TTC3: variants seen among roughly 807,000 people sequenced by gnomAD.
The protein encoded by TTC3 is tetratricopeptide repeat domain 3.
In TTC3, 180 loss-of-function variants were observed where a neutral mutation model predicts 249.6. That is an observed-to-expected ratio of 0.72 (90% CI 0.64 to 0.82). The LOEUF (loss-of-function observed/expected upper bound fraction) is 0.82, where lower values mean the gene tolerates loss of function less well. Among genes scored for constraint, TTC3 ranks in the 40% least tolerant of loss-of-function variants. TTC3 has a pLI of 0.00. For synonymous variants in TTC3, 717 were observed against 805.0 expected (o/e 0.89, Z 1.85); for missense variants, 2,061 against 2,398.4 (o/e 0.86, Z 2.94).
At chr21:37,148,796 T>C in intron 23 of TTC3, 149 bp downstream of exon 23, 1 of 590,454 alleles carries the variant, frequency 1.7e-6, no homozygotes, top group Non-Finnish European at 2.9e-6. Context: ...AATTTGTTTT[T>C]ATTTGGACAA....
chr21:37,195,332 A>G (rs2084763935), intron 41 of TTC3, among the ~76,000 whole-genome samples: 1 of 152,058 alleles, frequency 6.6e-6, no homozygotes, highest in Admixed American at 6.6e-5. Flanking sequence ...ATGATGTTCC[A>G]TCTGTCAGCT....
At chr21:37,148,747 A>C (rs927898214) in intron 23 of TTC3, 100 bp downstream of exon 23, 38 of 708,182 alleles carry the variant, frequency 5.4e-5, no homozygotes, top group Middle Eastern at 5.1e-4. Flanking sequence ...ATAATTAGAA[A>C]ATTTTAAATT....
At chr21:37,130,847 C>T (rs1410242225) in intron 16 of TTC3, among the ~76,000 whole-genome samples, 2 of 152,006 alleles carry the variant, frequency 1.3e-5, no homozygotes, top group Admixed American at 1.3e-4. Context: ...CATCCTTGCA[C>T]ATACACCTTT....
chr21:37,104,688 G>T (rs2147778223), intron 10 of TTC3, among the ~76,000 whole-genome samples: 1 of 152,220 alleles, frequency 6.6e-6, no homozygotes, highest in East Asian at 1.9e-4. Context: ...TCAAAGGAGG[G>T]TTTGGATGGG....
chr21:37,180,939 T>G (rs1232892250), intron 35 of TTC3, among the ~76,000 whole-genome samples: 2 of 152,164 alleles, frequency 1.3e-5, no homozygotes, highest in African/African-American at 4.8e-5. Flanking sequence ...AAAGATAAGT[T>G]TTTTCCTAAT....
intron 11 of TTC3, among the ~76,000 whole-genome samples, chr21:37,115,839 G>A (rs1272712535): frequency 1.3e-5 from 2 of 152,122 alleles, no homozygotes. Flanking sequence ...TCCCCAGAGC[G>A]TTGGCCAGCC....
In TTC3 at chr21:37,096,772, A is replaced by G. The variant is rs960050798; in HGVS notation, c.845+129A>G. The G allele has an allele frequency of 2.4e-5, 16 of 654,644 alleles. No homozygotes were observed. In the East Asian group the frequency reaches 2.5e-4, roughly 10 times the overall value. 40.6% of individuals were successfully genotyped at this position (654,644 alleles called of 1,614,324 possible). On this transcript the variant is annotated intron_variant, in intron 10 of 45. Transcript: ENST00000355666. ...CTTTGGCAGAAATACTTAAGTGGTT[A>G]AAAGAGTATGCTTAGGCTTTATATA...
chr21:37,083,113 G>C (rs1003022070), intron 1 of TTC3: 23 of 985,350 alleles, frequency 2.3e-5, no homozygotes, highest in Non-Finnish European at 2.8e-5. Context: ...GAGAAGAGGT[G>C]CAAAAATCAA....
chr21:37,114,921 CTG>C (rs1273426025), intron 11 of TTC3, among the ~76,000 whole-genome samples: 3 of 152,008 alleles, frequency 2.0e-5, no homozygotes, highest in African/African-American at 7.3e-5. Flanking sequence ...TCTCAGCAAA[CTG>C]TTGCAGGGAC....
Position 37,173,997 on chromosome 21 carries a change from G to T in TTC3, c.4617+1253G>T, listed in dbSNP as rs150663593. 1.5e-3 allele frequency among the ~76,000 whole-genome samples: 225 copies of T among 152,278 alleles called. 2 individuals are homozygous for T. The highest frequency in any genetic ancestry group is 5.0e-3 in the African/African-American group (206 of 41,570). On this transcript the variant is annotated intron_variant, in intron 35 of 45. Coordinates refer to ENST00000355666, the Ensembl canonical transcript of TTC3. ...AGGAAACTTCAGTTTTAATTCCCAT[G>T]TGGGAATTCCTGTAGCTGCCTGTTT...
intron 44 of TTC3, among the ~76,000 whole-genome samples, 196 bp downstream of exon 44, chr21:37,198,221 C>A (rs1045600544): frequency 6.6e-6 from 1 of 152,130 alleles, no homozygotes; most frequent in Non-Finnish European, 1.5e-5. Context: ...TGCTGTGATA[C>A]GTTTGGGCCC....
chr21:37,183,624 G>A (rs566088629), intron 36 of TTC3, among the ~76,000 whole-genome samples: 65 of 152,284 alleles, frequency 4.3e-4, no homozygotes, highest in African/African-American at 1.5e-3. Flanking sequence ...GCTGAATTTA[G>A]CTGGGTGATG....
At position 37,143,845 on chromosome 21, in the gene TTC3, A is replaced by G. The variant is rs1214652198; in HGVS notation, c.1773-680A>G. Among the ~76,000 whole-genome samples the G allele has an allele frequency of 1.1e-4, 11 of 103,824 alleles. 2 individuals are homozygous for G. The highest frequency in any genetic ancestry group is 3.9e-4 in the African/African-American group (9 of 22,884). 68.1% of individuals were successfully genotyped at this position (103,824 alleles called of 152,430 possible). ...ATAGCAAAGACTTGGAACCAACCCA[A>G]ATGTCCCTCAGTGATAGACTGGATT... On this transcript the variant is annotated intron_variant, in intron 20 of 45. Transcript: ENST00000355666.
At position 37,195,841 on chromosome 21, in the gene TTC3, C is replaced by A. The variant is rs756402396; in HGVS notation, c.5384C>A (p.Pro1795His). ...CCTTCTGCGCTGTTGCCAGGGCCAC[C>A]CCCTGGTCAGCCTGAAGCCACTCAG... The change falls in exon 42 of 46, where the codon CCC (proline) becomes CAC (histidine). Residue 1795 changes from proline to histidine, a missense_variant. By Grantham distance (77) the Pro-to-His change is moderately conservative (BLOSUM62 -2). Coordinates refer to ENST00000355666, the Ensembl canonical transcript of TTC3. 1.9e-6 allele frequency: 3 copies of A among 1,614,226 alleles called. No homozygotes were observed. In the South Asian group the frequency reaches 3.3e-5, roughly 18 times the overall value.
rs767094118 is a variant in TTC3 at position 37,151,944 on chromosome 21, A to G, written c.2328A>G (p.Gln776=). The G allele has an allele frequency of 3.7e-6, 6 of 1,607,222 alleles. No individual in the cohort carries two copies. In the Admixed American group the frequency reaches 5.2e-5, roughly 14 times the overall value. ...ACAAAAAATTGAAGAGAAAGATCCA[A>G]AAAAAAGAAGCAAAAAAGTTAGCAC... The change falls in exon 26 of 46, where the codon CAA becomes CAG. Residue 776 remains glutamine (Q), a synonymous_variant. Coordinates refer to ENST00000355666, the Ensembl canonical transcript of TTC3.
chr21:37,135,184 A>G (rs927021882), intron 17 of TTC3, among the ~76,000 whole-genome samples, 196 bp from the exon 18 acceptor site: 16 of 152,230 alleles, frequency 1.1e-4, no homozygotes, highest in African/African-American at 3.9e-4. Context: ...TGCAATTAGG[A>G]TGGTAAAGCA....
In TTC3 at chr21:37,101,497, G is replaced by A. The variant is rs140809373; in HGVS notation, c.845+4854G>A. On this transcript the variant is annotated intron_variant, in intron 10 of 45. Coordinates refer to ENST00000355666, the Ensembl canonical transcript of TTC3. ...ACATTTACTTTTTTCAGTCTTCTTT[G>A]GGGTATACCCCCTTTTTAAAAAAAC... 4.6e-5 allele frequency among the ~76,000 whole-genome samples: 7 copies of A among 151,912 alleles called. No homozygotes were observed. The East Asian group carries it at 1.4e-3, about 29-fold the overall frequency.
chr21:37,091,090 A>G (rs571493095), intron 6 of TTC3, among the ~76,000 whole-genome samples: 34 of 152,322 alleles, frequency 2.2e-4, no homozygotes, highest in Admixed American at 2.0e-3. Context: ...TGAAGAGGTA[A>G]CATATATGAG....
intron 34 of TTC3, among the ~76,000 whole-genome samples, chr21:37,169,037 A>C (rs1793858): frequency 1 from 152,174 of 152,176 alleles, 76,086 homozygotes; most frequent in Middle Eastern, 1. Flanking sequence ...AGTGTGTGAT[A>C]CCAGGCAGAA....
Sources: allele counts gnomAD v4.1 joint callset (sites outside exome capture counted in the v4.1 genomes callset), GRCh38; gene constraint gnomAD v4.1.1; transcripts MANE v1.5; gene names NCBI Gene and HGNC (gene_info 2026-07-23, HGNC 2026-07-21).